DNAJC1: variants seen among roughly 807,000 people sequenced by gnomAD.
The protein encoded by DNAJC1 is dnaJ homolog subfamily C member 1.
Under a neutral mutation model 76.6 loss-of-function variants are expected in DNAJC1, and 58 were observed. The ratio of observed to expected loss-of-function variants is 0.76; its 90% CI spans 0.61 to 0.94. The LOEUF (loss-of-function observed/expected upper bound fraction) is 0.94. Among genes scored for constraint, DNAJC1 ranks in the 40% least tolerant of loss-of-function variants. The pLI, the probability that DNAJC1 is intolerant of heterozygous loss-of-function variation, is 0.00. For synonymous variants in DNAJC1, 258 were observed against 267.9 expected, an observed-to-expected ratio of 0.96 and a Z score of 0.36; for missense variants, 689 against 677.3, an observed-to-expected ratio of 1.02 and a Z score of -0.19.
At chr10:21,856,438 C>T (rs765186575) in intron 8 of DNAJC1, among the ~76,000 whole-genome samples, 1 of 152,062 alleles carries the variant, frequency 6.6e-6, no homozygotes, top group South Asian at 2.1e-4. Context: ...ATTGTAGCTG[C>T]ATGGTGGAAA....
At chr10:21,830,159 G>A (rs567958507) in intron 8 of DNAJC1, among the ~76,000 whole-genome samples, 1 of 152,178 alleles carries the variant, frequency 6.6e-6, no homozygotes, top group South Asian at 2.1e-4. Context: ...TACAGTCAAT[G>A]CTTTAGATTT....
At chr10:21,770,641 C>A (rs185796180) in intron 9 of DNAJC1, among the ~76,000 whole-genome samples, 2 of 152,094 alleles carry the variant, frequency 1.3e-5, no homozygotes, top group African/African-American at 4.8e-5. Context: ...TGAGGTGATC[C>A]GCCCGCCTCG....
intron 1 of DNAJC1, among the ~76,000 whole-genome samples, chr10:21,975,647 T>A (rs1485425074): frequency 9.3e-6 from 1 of 107,486 alleles, no homozygotes; most frequent in Non-Finnish European, 2.1e-5. Context: ...CTATCTTACT[T>A]ACTGTCCCTC....
At chr10:21,833,675 T>C (rs932322438) in intron 8 of DNAJC1, among the ~76,000 whole-genome samples, 5 of 152,036 alleles carry the variant, frequency 3.3e-5, no homozygotes, top group Middle Eastern at 3.2e-3. Context: ...TTAATACACA[T>C]GAAGTGCGCA....
At chr10:21,903,089 G>C (rs966303614) in intron 7 of DNAJC1, among the ~76,000 whole-genome samples, 1 of 152,020 alleles carries the variant, frequency 6.6e-6, no homozygotes, top group Non-Finnish European at 1.5e-5. Flanking sequence ...ACTATGCCTG[G>C]CTAATTTTTG....
intron 8 of DNAJC1, among the ~76,000 whole-genome samples, chr10:21,848,170 T>C (rs560031687): frequency 1.3e-4 from 20 of 152,302 alleles, no homozygotes; most frequent in Non-Finnish European, 2.6e-4. Flanking sequence ...TCAGATTATA[T>C]CTCATTTTGG....
chr10:21,975,312 C>A (rs111708726), intron 1 of DNAJC1, among the ~76,000 whole-genome samples: 2 of 151,472 alleles, frequency 1.3e-5, no homozygotes, highest in African/African-American at 4.9e-5. Flanking sequence ...AAAAAATAAG[C>A]TGCAATAAAT....
At chr10:21,840,633 C>G (rs917549335) in intron 8 of DNAJC1, among the ~76,000 whole-genome samples, 1 of 152,196 alleles carries the variant, frequency 6.6e-6, no homozygotes, top group Non-Finnish European at 1.5e-5. Context: ...ACATTCCATG[C>G]TCATGGGTAG....
At chr10:21,824,834 T>C (rs867605243) in intron 8 of DNAJC1, among the ~76,000 whole-genome samples, 2 of 152,176 alleles carry the variant, frequency 1.3e-5, no homozygotes, top group African/African-American at 2.4e-5. Context: ...AGTGCAGTGG[T>C]GCAATCTCAG....
At chr10:21,790,681 T>C (rs143069963) in intron 9 of DNAJC1, among the ~76,000 whole-genome samples, 24 of 151,948 alleles carry the variant, frequency 1.6e-4, no homozygotes, top group Admixed American at 1.2e-3. Context: ...AAGATGATAA[T>C]CACCATCATG....
chr10:21,813,309 C>G (rs752773254), intron 8 of DNAJC1, among the ~76,000 whole-genome samples: 35 of 149,010 alleles, frequency 2.3e-4, no homozygotes, highest in Non-Finnish European at 4.4e-4. Context: ...AACTGCCAAA[C>G]AGTGAGGCCG....
At chr10:21,899,719 G>C (rs907144135) in intron 7 of DNAJC1, among the ~76,000 whole-genome samples, 31 of 152,196 alleles carry the variant, frequency 2.0e-4, no homozygotes, top group African/African-American at 7.2e-4. Flanking sequence ...TGGGATCAGG[G>C]ACCTACTTGA....
chr10:22,000,334 A>T (rs532433411), intron 1 of DNAJC1, among the ~76,000 whole-genome samples: 1 of 152,328 alleles, frequency 6.6e-6, no homozygotes, highest in Admixed American at 6.5e-5. Context: ...AAGTCAAATC[A>T]TGTATCTTTT....
At chr10:21,968,497 G>A (rs1328815671) in intron 1 of DNAJC1, among the ~76,000 whole-genome samples, 1 of 151,376 alleles carries the variant, frequency 6.6e-6, no homozygotes, top group Admixed American at 6.6e-5. Context: ...CTAAATTCAT[G>A]ACATATCTTT....
chr10:21,953,202 T>C (rs1028260227), intron 1 of DNAJC1, among the ~76,000 whole-genome samples: 1 of 152,090 alleles, frequency 6.6e-6, no homozygotes, highest in African/African-American at 2.4e-5. Context: ...GTTGGAGTAA[T>C]AGTTATGTTC....
intron 1 of DNAJC1, among the ~76,000 whole-genome samples, chr10:21,947,008 G>T (rs1470001952): frequency 6.6e-6 from 1 of 152,030 alleles, no homozygotes; most frequent in African/African-American, 2.4e-5. Flanking sequence ...CAGCATGAAG[G>T]CCCTCACCAG....
At chr10:21,930,707 C>T (rs983929238) in intron 1 of DNAJC1, among the ~76,000 whole-genome samples, 1 of 152,038 alleles carries the variant, frequency 6.6e-6, no homozygotes, top group African/African-American at 2.4e-5. Context: ...TTTCATTCTA[C>T]TTTGCTTAAT....
intron 6 of DNAJC1, among the ~76,000 whole-genome samples, chr10:21,907,993 A>C (rs1836774635): frequency 8.5e-6 from 1 of 117,098 alleles, no homozygotes; most frequent in African/African-American, 3.3e-5. Flanking sequence ...TATGAAATAT[A>C]TATGAAATAT....
At chr10:21,837,860 C>A (rs1219111603) in intron 8 of DNAJC1, among the ~76,000 whole-genome samples, 41 of 99,980 alleles carry the variant, frequency 4.1e-4, no homozygotes, top group African/African-American at 1.5e-3. Flanking sequence ...CCGCCCCGTC[C>A]GGGAGGGAGG....
Sources: allele counts gnomAD v4.1 joint callset (sites outside exome capture counted in the v4.1 genomes callset), GRCh38; gene constraint gnomAD v4.1.1; transcripts MANE v1.5; gene names NCBI Gene and HGNC (gene_info 2026-07-23, HGNC 2026-07-21).